NOX4: variants seen among roughly 807,000 people sequenced by gnomAD.
NOX4 encodes the protein NADPH oxidase 4.
Under a neutral mutation model 87.6 loss-of-function variants are expected in NOX4, and 69 were observed. That is an observed-to-expected ratio of 0.79 (90% confidence interval 0.65 to 0.96). The LOEUF is 0.96. Among genes scored for constraint, NOX4 ranks in the 40% least tolerant of loss-of-function variants. The pLI is 0.00. For synonymous variants in NOX4, 275 were observed against 238.2 expected (o/e 1.15, Z -1.42); for missense variants, 680 against 681.5 (o/e 1.00, Z 0.02).
chr11:89,470,583 G>A (rs575795599), intron 2 of NOX4, among the ~76,000 whole-genome samples: 1 of 152,226 alleles, frequency 6.6e-6, no homozygotes, highest in Admixed American at 6.5e-5. Context: ...AGGCTCAGCA[G>A]CTCTGCCTCC....
chr11:89,329,356 G>GAAAAA (rs377055666), intron 17 of NOX4, among the ~76,000 whole-genome samples: 462 of 34,230 alleles, frequency 0.013, no homozygotes, highest in Non-Finnish European at 0.016. Context: ...GAAAAAAACT[G>GAAAAA]AAAAAAAAAA....
chr11:89,452,070 G>T (rs766809313), intron 2 of NOX4, among the ~76,000 whole-genome samples, 175 bp from the exon 3 acceptor site: 4 of 152,038 alleles, frequency 2.6e-5, no homozygotes, highest in African/African-American at 9.7e-5. Flanking sequence ...CCCTTTGAAC[G>T]ACTTCTTTCT....
chr11:89,521,715 G>A, the NOX4 span, among the ~76,000 whole-genome samples: 349 of 152,038 alleles, frequency 2.3e-3, 1 homozygote, highest in Non-Finnish European at 4.0e-3. Flanking sequence ...TCTGCAAAGC[G>A]AAAGAAACAA....
In NOX4 at chr11:89,432,783, C is replaced by T. The variant is rs1943874084; in HGVS notation, c.548+1G>A. Reference sequence around the variant, plus strand: ...TCAAAATAATTGATTCTGACACTTACCTTATTGCATATGTAGAGGCTGTGA... The same window carrying T: ...TCAAAATAATTGATTCTGACACTTATCTTATTGCATATGTAGAGGCTGTGA... On this transcript the variant is annotated splice_donor_variant, in intron 7 of 17. Coordinates refer to ENST00000263317, the MANE Select transcript of NOX4 (RefSeq NM_016931.5). LOFTEE classifies it high-confidence loss of function. 2 of 1,600,930 alleles carry T rather than the reference C, an allele frequency of 1.2e-6. No homozygotes were observed. Among genetic ancestry groups the T allele is most frequent in the Non-Finnish European group, 1.7e-6 (2 of 1,168,992 alleles).
At chr11:89,384,539 C>T (rs1940545012) in intron 11 of NOX4, among the ~76,000 whole-genome samples, 1 of 152,090 alleles carries the variant, frequency 6.6e-6, no homozygotes, top group African/African-American at 2.4e-5. Context: ...GCATGGTTGG[C>T]TACTTCTGCC....
chr11:89,419,167 T>C (rs1214950554), intron 8 of NOX4, among the ~76,000 whole-genome samples: 1 of 152,072 alleles, frequency 6.6e-6, no homozygotes. Context: ...CTTTACCTTA[T>C]GGTACTTACC....
Position 89,325,115 on chromosome 11 carries a change from C to CTTTTTTTTTTTTT in NOX4, c.*1628_*1640dup, listed in dbSNP as rs141198784. On this transcript the variant is annotated 3_prime_UTR_variant, in exon 18 of 18. Coordinates refer to ENST00000263317, the MANE Select transcript of NOX4 (RefSeq NM_016931.5). ...ACTAAACTGTATGAATGCTTTAATT[C>CTTTTTTTTTTTTT]TTTTTTTTTTTTTTTTTTTTTTTTT... The CTTTTTTTTTTTTT allele has an allele frequency of 4.1e-3, 316 of 76,302 alleles. 43 individuals carry two copies. Among genetic ancestry groups the CTTTTTTTTTTTTT allele is most frequent in the East Asian group, 8.6e-3 (18 of 2,094 alleles). The allele number at this position is 76,302 out of a possible 1,614,324, so 4.7% of individuals were successfully genotyped here. A position where few individuals can be genotyped will look rare whatever the true frequency, so the allele number is the denominator to read the frequency against.
At chr11:89,557,920 C>G in the NOX4 span, among the ~76,000 whole-genome samples, 2,157 of 152,052 alleles carry the variant, frequency 0.014, 41 homozygotes, top group African/African-American at 0.045. Context: ...GTCAGGGAGA[C>G]AGGAAAGAGA....
At chr11:89,572,911 G>T in the NOX4 span, among the ~76,000 whole-genome samples, 1 of 151,698 alleles carries the variant, frequency 6.6e-6, no homozygotes, top group Non-Finnish European at 1.5e-5. Flanking sequence ...GTCTTATGTA[G>T]TCTTATACTT....
intron 8 of NOX4, among the ~76,000 whole-genome samples, chr11:89,409,925 C>A (rs1358531764): frequency 6.6e-6 from 1 of 151,876 alleles, no homozygotes; most frequent in Non-Finnish European, 1.5e-5. Context: ...TGAAATAAAA[C>A]AAATCAGGAG....
At chr11:89,438,890 A>G (rs867737913) in intron 6 of NOX4, among the ~76,000 whole-genome samples, 1,814 of 53,696 alleles carry the variant, frequency 0.034, 186 homozygotes, top group African/African-American at 0.18. Flanking sequence ...ATAATATATT[A>G]TATATTATAT....
At chr11:89,375,297 T>C (rs1939753682) in intron 11 of NOX4, among the ~76,000 whole-genome samples, 1 of 152,002 alleles carries the variant, frequency 6.6e-6, no homozygotes, top group African/African-American at 2.4e-5. Flanking sequence ...TTTATTTACA[T>C]TGTAACTTTT....
chr11:89,504,491 G>T, the NOX4 span, among the ~76,000 whole-genome samples: 1 of 151,898 alleles, frequency 6.6e-6, no homozygotes, highest in East Asian at 1.9e-4. Flanking sequence ...ATAGAACAAA[G>T]GCTACTGAAG....
chr11:89,537,234 A>G, the NOX4 span, among the ~76,000 whole-genome samples: 1 of 152,210 alleles, frequency 6.6e-6, no homozygotes, highest in Non-Finnish European at 1.5e-5. Context: ...CTTTATTTTT[A>G]TAATGTTCTA....
At chr11:89,526,182 T>C in the NOX4 span, among the ~76,000 whole-genome samples, 1 of 152,192 alleles carries the variant, frequency 6.6e-6, no homozygotes, top group African/African-American at 2.4e-5. Context: ...ATGTGGGTCA[T>C]TTGAACATTC....
intron 12 of NOX4, among the ~76,000 whole-genome samples, chr11:89,370,511 A>G (rs536612209): frequency 1.3e-5 from 2 of 152,058 alleles, no homozygotes; most frequent in South Asian, 4.2e-4. Context: ...AGAAATTAAC[A>G]AAACATTTTT....
intron 11 of NOX4, among the ~76,000 whole-genome samples, chr11:89,396,369 C>T (rs140233213): frequency 0.015 from 2,293 of 152,064 alleles, 59 homozygotes; most frequent in African/African-American, 0.051. Flanking sequence ...CCTGAGACTT[C>T]GCTGAAGTTG....
chr11:89,383,429 C>T (rs1940446559), intron 11 of NOX4, among the ~76,000 whole-genome samples: 1 of 152,188 alleles, frequency 6.6e-6, no homozygotes, highest in Non-Finnish European at 1.5e-5. Context: ...GACTCCTTCC[C>T]AGGTCTTCTC....
At chr11:89,387,247 C>T (rs1484195038) in intron 11 of NOX4, among the ~76,000 whole-genome samples, 2 of 152,126 alleles carry the variant, frequency 1.3e-5, no homozygotes, top group Non-Finnish European at 2.9e-5. Flanking sequence ...CCTGAAGTAA[C>T]TGAAGAGTCA....
Sources: gnomAD v4.1 joint callset for allele counts (sites outside exome capture counted in the v4.1 genomes callset) on GRCh38, gnomAD v4.1.1 for gene constraint, MANE v1.5 for transcripts, NCBI Gene and HGNC (gene_info 2026-07-23, HGNC 2026-07-21) for gene names.